The following SLC30A6 variants were observed in gnomAD, a reference collection of about 807,000 sequenced individuals.
SLC30A6 encodes the protein zinc transporter 6.
In SLC30A6, 55 loss-of-function variants were observed where a neutral mutation model predicts 63.0. That is an observed-to-expected ratio of 0.87 (90% CI 0.70 to 1.09). The LOEUF is 1.09. Ranked by LOEUF, SLC30A6 falls within the 50% of genes least tolerant of loss-of-function variation. SLC30A6 has a pLI of 0.00. For missense variants in SLC30A6, 587 were observed against 549.2 expected, an observed-to-expected ratio of 1.07 and a Z score of -0.69; for synonymous variants, 224 against 186.1, an observed-to-expected ratio of 1.20 and a Z score of -1.66.
chr2:32,215,420 C>G (rs1476782602), intron 13 of SLC30A6, among the ~76,000 whole-genome samples: 1 of 151,346 alleles, frequency 6.6e-6, no homozygotes, highest in African/African-American at 2.4e-5. Context: ...GTCTCAAACT[C>G]CTGAGCTCAA....
At chr2:32,180,179 A>G (rs1682160251) in intron 4 of SLC30A6, among the ~76,000 whole-genome samples, 1 of 151,988 alleles carries the variant, frequency 6.6e-6, no homozygotes, top group Non-Finnish European at 1.5e-5. Context: ...AGGTGAAAGG[A>G]CTGCTTGAGC....
intron 1 of SLC30A6, among the ~76,000 whole-genome samples, chr2:32,170,390 C>T (rs1681093111): frequency 6.6e-6 from 1 of 152,134 alleles, no homozygotes. Flanking sequence ...ACTCTCTGTT[C>T]TGCTAAGGCT....
At chr2:32,203,758 A>ATATT (rs1248383108) in intron 10 of SLC30A6, 6 of 1,510,260 alleles carry the variant, frequency 4.0e-6, no homozygotes, top group Middle Eastern at 1.7e-4. Flanking sequence ...TTCCGACTGG[A>ATATT]TATTCTCAGT....
At chr2:32,213,531 G>A (rs752352541) in intron 13 of SLC30A6, among the ~76,000 whole-genome samples, 1 of 152,004 alleles carries the variant, frequency 6.6e-6, no homozygotes, top group Non-Finnish European at 1.5e-5. Flanking sequence ...GTTGCTTCCT[G>A]CTGCACAGAT....
chr2:32,213,261 C>T (rs1237607652), intron 13 of SLC30A6, among the ~76,000 whole-genome samples: 1 of 149,808 alleles, frequency 6.7e-6, no homozygotes, highest in Non-Finnish European at 1.5e-5. Context: ...CTGTACTACT[C>T]AGTTTGGATT....
intron 12 of SLC30A6, among the ~76,000 whole-genome samples, chr2:32,207,731 C>G (rs1428263970): frequency 1.0e-5 from 1 of 98,716 alleles, no homozygotes. Flanking sequence ...GATGGAGTCT[C>G]GCTCTGTCGC....
intron 8 of SLC30A6, among the ~76,000 whole-genome samples, chr2:32,196,390 A>G (rs935173034): frequency 6.6e-6 from 1 of 152,188 alleles, no homozygotes. Flanking sequence ...AGTACTTTCT[A>G]TATGCCAAGC....
At chr2:32,202,739 A>C (rs764918911) in intron 10 of SLC30A6, 73 of 699,770 alleles carry the variant, frequency 1.0e-4, no homozygotes, top group Non-Finnish European at 1.8e-4. Context: ...AATTCTACAA[A>C]ACTGATTCTG....
In SLC30A6 at chr2:32,221,008, T is replaced by G. The variant is rs111919821; in HGVS notation, c.*295T>G. Reference sequence around the variant, plus strand: ...ACTGCAGTGTGATGTGACCTTACCTTTATAAGAGCCACTTGATGGAGTAGA... The same window carrying G: ...ACTGCAGTGTGATGTGACCTTACCTGTATAAGAGCCACTTGATGGAGTAGA... On this transcript the variant is annotated 3_prime_UTR_variant, in exon 14 of 14. Coordinates refer to ENST00000282587, the MANE Select transcript of SLC30A6 (RefSeq NM_017964.5). The G allele has an allele frequency of 4.0e-3, 1,224 of 304,790 alleles. 19 individuals are homozygous for G. The highest frequency in any genetic ancestry group is 0.024 in the African/African-American group (1,106 of 46,544). The allele number at this position is 304,790 out of a possible 1,614,324, so 18.9% of individuals were successfully genotyped here.
At chr2:32,203,931 A>G in intron 10 of SLC30A6, 1 of 824,698 alleles carries the variant, frequency 1.2e-6, no homozygotes, top group Non-Finnish European at 2.1e-6. Flanking sequence ...CAGGAAGTTG[A>G]CAAGATGGTA....
In SLC30A6 at chr2:32,206,847, C is replaced by G. The variant is rs772432006; in HGVS notation, c.769-39C>G. 1.9e-6 allele frequency: 3 copies of G among 1,565,884 alleles called. No homozygotes were observed. The South Asian group carries it at 3.4e-5, about 18-fold the overall frequency. ...GGACCATTGTTGGCAAACTTTTTTC[C>G]TTCCCCCATTATTCATATTTTATTG... On this transcript the variant is annotated intron_variant, in intron 11 of 13. Coordinates refer to ENST00000282587, the MANE Select transcript of SLC30A6 (RefSeq NM_017964.5).
chr2:32,220,150 C>G (rs1024572863), intron 13 of SLC30A6, 63 bp from the exon 14 acceptor site: 4 of 1,499,460 alleles, frequency 2.7e-6, no homozygotes, highest in South Asian at 2.7e-5. Context: ...AATGTTTTAT[C>G]TAATGAATTT....
chr2:32,205,566 G>C (rs1233831996), intron 11 of SLC30A6, among the ~76,000 whole-genome samples: 2 of 151,210 alleles, frequency 1.3e-5, no homozygotes, highest in African/African-American at 4.9e-5. Flanking sequence ...AAGTCCATTA[G>C]CAAGTAAAAT....
chr2:32,203,536 T>G (rs1314623379), intron 10 of SLC30A6: 3 of 1,606,232 alleles, frequency 1.9e-6, no homozygotes, highest in African/African-American at 1.3e-5. Context: ...AACCACGATC[T>G]TTGATCACCT....
intron 3 of SLC30A6, among the ~76,000 whole-genome samples, 195 bp downstream of exon 3, chr2:32,174,342 TAA>T (rs1681515506): frequency 6.6e-6 from 1 of 152,060 alleles, no homozygotes; most frequent in African/African-American, 2.4e-5. Flanking sequence ...AATTTTTTTT[TAA>T]GTTTTTTTCC....
intron 13 of SLC30A6, among the ~76,000 whole-genome samples, chr2:32,216,869 C>T (rs930397308): frequency 2.6e-5 from 4 of 151,300 alleles, no homozygotes; most frequent in Non-Finnish European, 5.9e-5. Flanking sequence ...TTGGTTGTCT[C>T]GCAAGATTCT....
chr2:32,211,656 C>T (rs1260310028), intron 13 of SLC30A6, among the ~76,000 whole-genome samples: 3 of 151,774 alleles, frequency 2.0e-5, no homozygotes, highest in Admixed American at 6.6e-5. Context: ...CTTGCTCTGT[C>T]GCCCAGGTGG....
chr2:32,201,165 C>G (rs1380202389), intron 10 of SLC30A6, among the ~76,000 whole-genome samples: 1 of 152,190 alleles, frequency 6.6e-6, no homozygotes, highest in East Asian at 1.9e-4. Context: ...TTATGTTTTT[C>G]ACATGTGTAT....
intron 5 of SLC30A6, among the ~76,000 whole-genome samples, chr2:32,190,096 T>C (rs1180204673): frequency 1.3e-5 from 2 of 152,198 alleles, no homozygotes; most frequent in Non-Finnish European, 2.9e-5. Context: ...AACAGTTCTT[T>C]ATATATAAGT....
Sources: gnomAD v4.1 joint callset for allele counts (sites outside exome capture counted in the v4.1 genomes callset) on GRCh38, gnomAD v4.1.1 for gene constraint, MANE v1.5 for transcripts, NCBI Gene and HGNC (gene_info 2026-07-23, HGNC 2026-07-21) for gene names.